LRRTM3: variants seen among roughly 807,000 people sequenced by gnomAD.
LRRTM3 encodes the protein leucine-rich repeat transmembrane neuronal protein 3.
A neutral mutation model predicts 44.7 loss-of-function variants in LRRTM3; 24 were observed. The ratio of observed to expected loss-of-function variants is 0.54; its 90% CI spans 0.39 to 0.76. The LOEUF (loss-of-function observed/expected upper bound fraction) is 0.76, where lower values mean the gene tolerates loss of function less well. LRRTM3 is among the 30% of genes least tolerant of loss of function. LRRTM3 has a pLI of 0.00. For missense variants in LRRTM3, 587 were observed against 702.2 expected (o/e 0.84, Z 1.85); for synonymous variants, 277 against 278.7 (o/e 0.99, Z 0.06).
At chr10:66,967,035 G>T (rs772066353) in intron 2 of LRRTM3, among the ~76,000 whole-genome samples, 1 of 152,002 alleles carries the variant, frequency 6.6e-6, no homozygotes, top group Non-Finnish European at 1.5e-5. Flanking sequence ...AGCGCAAAAA[G>T]AAATATTAAG....
At chr10:67,072,770 AT>A (rs527434854) in intron 2 of LRRTM3, among the ~76,000 whole-genome samples, 51 of 152,320 alleles carry the variant, frequency 3.3e-4, no homozygotes, top group Admixed American at 1.2e-3. Flanking sequence ...CAGCTACAAA[AT>A]TTGGTAAATA....
chr10:67,032,434 T>A (rs112042198), intron 2 of LRRTM3, among the ~76,000 whole-genome samples: 2,111 of 152,062 alleles, frequency 0.014, 58 homozygotes, highest in African/African-American at 0.048. Flanking sequence ...AAAGTATGAG[T>A]TTGTTTTACA....
At chr10:66,991,564 T>C (rs1169023240) in intron 2 of LRRTM3, among the ~76,000 whole-genome samples, 1 of 152,126 alleles carries the variant, frequency 6.6e-6, no homozygotes, top group African/African-American at 2.4e-5. Flanking sequence ...ATTTATTTAG[T>C]TTTTGAGATG....
At chr10:66,972,560 G>A (rs1589521994) in intron 2 of LRRTM3, among the ~76,000 whole-genome samples, 1 of 151,870 alleles carries the variant, frequency 6.6e-6, no homozygotes, top group Admixed American at 6.6e-5. Context: ...GTCATTAACA[G>A]GCCCATCCAG....
intron 2 of LRRTM3, among the ~76,000 whole-genome samples, chr10:66,949,040 C>T (rs1323374154): frequency 6.6e-6 from 1 of 152,036 alleles, no homozygotes; most frequent in Non-Finnish European, 1.5e-5. Flanking sequence ...TGTAATCTTG[C>T]AAACAAATAT....
At chr10:67,048,457 C>G (rs7096693) in intron 2 of LRRTM3, among the ~76,000 whole-genome samples, 98,129 of 151,874 alleles carry the variant, frequency 0.65, 32,148 homozygotes, top group East Asian at 0.78. Flanking sequence ...CATTCACTGT[C>G]AGGTACAAAA....
chr10:66,964,411 T>C (rs1487477939), intron 2 of LRRTM3, among the ~76,000 whole-genome samples: 1 of 152,134 alleles, frequency 6.6e-6, no homozygotes, highest in Non-Finnish European at 1.5e-5. Context: ...ATTTTTAAAC[T>C]GGCACAAAAG....
At chr10:67,061,959 T>A (rs5785814) in intron 2 of LRRTM3, among the ~76,000 whole-genome samples, 123 of 38,122 alleles carry the variant, frequency 3.2e-3, no homozygotes, top group African/African-American at 0.014. Flanking sequence ...GTAAAAAAAA[T>A]CAATCTTAGG....
At chr10:66,997,144 T>C (rs1010770087) in intron 2 of LRRTM3, among the ~76,000 whole-genome samples, 1 of 152,164 alleles carries the variant, frequency 6.6e-6, no homozygotes, top group Non-Finnish European at 1.5e-5. Flanking sequence ...TTTTTCGTCT[T>C]TGCTTAGTGT....
intron 2 of LRRTM3, among the ~76,000 whole-genome samples, chr10:66,991,970 C>G (rs1851066341): frequency 2.6e-5 from 4 of 152,112 alleles, no homozygotes. Context: ...TGTCTTGGGT[C>G]TTCTTTCACC....
At position 66,962,896 on chromosome 10, in the gene LRRTM3, G is replaced by C. The variant is rs1349357232; in HGVS notation, c.1536+34444G>C. Among the ~76,000 whole-genome samples the C allele has an allele frequency of 2.0e-5, 3 of 152,142 alleles. No homozygotes were observed. The East Asian group carries it at 5.8e-4, about 29-fold the overall frequency. ...TTGCCCAACAATGCACCCCATAAAGGCTGAGATTTTTGCCTGGTATGTTCA... is the reference window on the plus strand; with the variant it reads ...TTGCCCAACAATGCACCCCATAAAGCCTGAGATTTTTGCCTGGTATGTTCA... On this transcript the variant is annotated intron_variant, in intron 2 of 2. Coordinates refer to ENST00000361320, the MANE Select transcript of LRRTM3 (RefSeq NM_178011.5).
At chr10:67,029,373 C>T (rs972233676) in intron 2 of LRRTM3, among the ~76,000 whole-genome samples, 4 of 152,052 alleles carry the variant, frequency 2.6e-5, no homozygotes. Flanking sequence ...TGGTTCAGAG[C>T]AGGTTGATTG....
chr10:66,990,421 T>C (rs1203474466), intron 2 of LRRTM3, among the ~76,000 whole-genome samples: 1 of 152,210 alleles, frequency 6.6e-6, no homozygotes, highest in Non-Finnish European at 1.5e-5. Flanking sequence ...CCACCCATTA[T>C]TGAACATATT....
chr10:67,036,889 A>G (rs1385947559), intron 2 of LRRTM3, among the ~76,000 whole-genome samples: 4 of 152,080 alleles, frequency 2.6e-5, no homozygotes, highest in Non-Finnish European at 5.9e-5. Context: ...ATTGTGAAAA[A>G]AAATAATAAT....
intron 2 of LRRTM3, among the ~76,000 whole-genome samples, chr10:67,016,152 A>C (rs904711029): frequency 2.0e-5 from 3 of 152,078 alleles, no homozygotes; most frequent in Admixed American, 2.0e-4. Flanking sequence ...AGAAAATGGT[A>C]GTTTTATGCA....
At chr10:66,973,080 CT>C (rs1305485575) in intron 2 of LRRTM3, among the ~76,000 whole-genome samples, 1 of 152,052 alleles carries the variant, frequency 6.6e-6, no homozygotes, top group Admixed American at 6.6e-5. Flanking sequence ...AAAAATGGTT[CT>C]TTTTTTATTG....
rs1364638838 is a variant in LRRTM3 at position 67,026,202 on chromosome 10, T to A, written c.1537-71385T>A. Reference sequence around the variant, plus strand: ...GCAGCACACCAGCATGGCACATGTATACATATGTAACTAACTTGCACATTG... The same window carrying A: ...GCAGCACACCAGCATGGCACATGTAAACATATGTAACTAACTTGCACATTG... On this transcript the variant is annotated intron_variant, in intron 2 of 2. Transcript: ENST00000361320. 5.9e-5 allele frequency among the ~76,000 whole-genome samples: 9 copies of A among 151,804 alleles called. No homozygotes were observed. In the East Asian group the frequency reaches 1.6e-3, roughly 26 times the overall value.
intron 2 of LRRTM3, among the ~76,000 whole-genome samples, chr10:66,947,694 TA>T (rs1848344182): frequency 1.3e-5 from 2 of 152,226 alleles, no homozygotes; most frequent in African/African-American, 4.8e-5. Flanking sequence ...TGTTTTCAAA[TA>T]TTTTTTTCTT....
At chr10:67,030,506 A>T (rs542920527) in intron 2 of LRRTM3, among the ~76,000 whole-genome samples, 2 of 152,152 alleles carry the variant, frequency 1.3e-5, no homozygotes, top group South Asian at 4.1e-4. Context: ...AAATATATAA[A>T]TACATAAATT....
Sources: gnomAD v4.1 joint callset for allele counts (sites outside exome capture counted in the v4.1 genomes callset) on GRCh38, gnomAD v4.1.1 for gene constraint, MANE v1.5 for transcripts, NCBI Gene and HGNC (gene_info 2026-07-23, HGNC 2026-07-21) for gene names.